Variants in SLC10A6 observed in about 807,000 individuals in gnomAD.
SLC10A6 encodes solute carrier family 10 member 6, also known as sodium-dependent organic anion transporter.
A neutral mutation model predicts 30.0 loss-of-function variants in SLC10A6; 27 were observed. That is an observed-to-expected ratio of 0.90 (90% CI 0.66 to 1.24). The LOEUF is 1.24. Ranked by LOEUF, SLC10A6 falls within the 50% of genes most tolerant of loss-of-function variation. The pLI, the probability that SLC10A6 is intolerant of heterozygous loss-of-function variation, is 0.00. For synonymous variants in SLC10A6, 166 were observed against 173.8 expected (o/e 0.95, Z 0.36); for missense variants, 439 against 457.0 (o/e 0.96, Z 0.36).
chr4:86,836,103 A>G (rs1270529410), intron 1 of SLC10A6, among the ~76,000 whole-genome samples: 1 of 152,228 alleles, frequency 6.6e-6, no homozygotes, highest in African/African-American at 2.4e-5. Flanking sequence ...CAGGAAAACA[A>G]CTGAGACCAT....
At chr4:86,838,694 G>C (rs535634511) in intron 1 of SLC10A6, among the ~76,000 whole-genome samples, 1 of 151,846 alleles carries the variant, frequency 6.6e-6, no homozygotes, top group African/African-American at 2.4e-5. Flanking sequence ...AGGCCAAGGC[G>C]TGCAGATTAC....
At position 86,828,005 on chromosome 4, in the gene SLC10A6, T is replaced by C. The variant is rs1746023732; in HGVS notation, c.749A>G (p.Gln250Arg). 6.2e-7 allele frequency: 1 copy of C among 1,613,612 alleles called. No homozygotes were observed. Among genetic ancestry groups the C allele is most frequent in the African/African-American group, 1.3e-5 (1 of 74,850 alleles). ...TGFLLALFTHQSWQRCRTISL... is the reference protein window; with the variant it reads ...TGFLLALFTHRSWQRCRTISL... Reference sequence around the variant, plus strand: ...AGTTTAACTATACCTTTGCCAAGACTGGTGGGTAAAAAGTGCCAGCAGAAA... The same window carrying C: ...AGTTTAACTATACCTTTGCCAAGACCGGTGGGTAAAAAGTGCCAGCAGAAA... The change falls in exon 4 of 6, where the codon CAG (glutamine) becomes CGG (arginine). Residue 250 changes from glutamine (Q) to arginine (R), a missense_variant. Transcript: ENST00000273905.
intron 1 of SLC10A6, 125 bp downstream of exon 1, chr4:86,848,614 T>C: frequency 8.0e-7 from 1 of 1,247,070 alleles, no homozygotes; most frequent in Non-Finnish European, 1.1e-6. Context: ...GTCTCTGTGA[T>C]ATTTGTAACA....
chr4:86,848,508 G>A (rs6531936), intron 1 of SLC10A6, among the ~76,000 whole-genome samples: 135,316 of 152,266 alleles, frequency 0.89, 61,872 homozygotes, highest in Non-Finnish European at 0.99. Flanking sequence ...TGCTCAGAAC[G>A]CATCCCACTG....
At chr4:86,844,461 C>A (rs1240921065) in intron 1 of SLC10A6, among the ~76,000 whole-genome samples, 2 of 152,176 alleles carry the variant, frequency 1.3e-5, no homozygotes, top group Admixed American at 6.5e-5. Context: ...AAGTTCAGCC[C>A]ATCAAGAGGC....
intron 1 of SLC10A6, among the ~76,000 whole-genome samples, chr4:86,838,974 G>GA (rs1450587867): frequency 6.9e-6 from 1 of 144,976 alleles, no homozygotes; most frequent in Non-Finnish European, 1.5e-5. Flanking sequence ...AAAATTTTAA[G>GA]AAGCAAATAT....
rs773329966 is a variant in SLC10A6, at chr4:86,849,088, C to T, written c.28G>A (p.Ala10Thr). 4 of 1,613,672 alleles carry T rather than the reference C, an allele frequency of 2.5e-6. No homozygotes were observed. The highest frequency in any genetic ancestry group is 3.4e-6 in the Non-Finnish European group (4 of 1,179,828). The change falls in exon 1 of 6, where the codon GCC becomes ACC. Residue 10 changes from alanine to threonine, a missense_variant. By Grantham distance (58) the Ala-to-Thr change is moderately conservative. Coordinates refer to ENST00000273905, the MANE Select transcript of SLC10A6 (RefSeq NM_197965.3). MRANCSSSS[A>T]CPANSSEEEL... ...TCCTCTGAACTGTTGGCAGGGCAGG[C>T]TGAGCTGCTGGAACAATTGGCTCTC...
chr4:86,827,423 G>A (rs979163409), intron 4 of SLC10A6, among the ~76,000 whole-genome samples: 2 of 152,102 alleles, frequency 1.3e-5, no homozygotes, highest in South Asian at 2.1e-4. Context: ...AAGCTTTACC[G>A]GGCGCTTAGT....
At position 86,833,108 on chromosome 4, in the gene SLC10A6, T is replaced by A. The variant is rs1489454413; in HGVS notation, c.496+198A>T. ...GTACTTACCAGCTGCATAATCTTGA[T>A]CAAGTTACTAAACCTCTTGAAGCCT... On this transcript the variant is annotated intron_variant, in intron 2 of 5. Coordinates refer to ENST00000273905, the MANE Select transcript of SLC10A6 (RefSeq NM_197965.3). 2.6e-5 allele frequency among the ~76,000 whole-genome samples: 4 copies of A among 152,180 alleles called. No homozygotes were observed. In the East Asian group the frequency reaches 7.7e-4, roughly 29 times the overall value.
chr4:86,830,897 A>G (rs1746068831), intron 3 of SLC10A6, among the ~76,000 whole-genome samples: 3 of 152,304 alleles, frequency 2.0e-5, no homozygotes, highest in African/African-American at 7.2e-5. Flanking sequence ...AAAGTGATAC[A>G]TAATCAGAAA....
intron 1 of SLC10A6, among the ~76,000 whole-genome samples, chr4:86,835,665 T>C (rs1232944785): frequency 2.3e-5 from 3 of 128,342 alleles, no homozygotes; most frequent in Non-Finnish European, 4.9e-5. Context: ...AAACTCCATC[T>C]CAAAAAAAAA....
At chr4:86,848,609 T>C (rs1746431656) in intron 1 of SLC10A6, 130 bp downstream of exon 1, 1 of 1,216,896 alleles carries the variant, frequency 8.2e-7, no homozygotes, top group African/African-American at 1.5e-5. Flanking sequence ...AACAAGTCTC[T>C]GTGATATTTG....
chr4:86,825,818 G>C (rs1235281802), intron 4 of SLC10A6, among the ~76,000 whole-genome samples: 1 of 152,232 alleles, frequency 6.6e-6, no homozygotes, highest in African/African-American at 2.4e-5. Context: ...ACACACAGGA[G>C]AGGTTCAGCA....
In SLC10A6 at chr4:86,825,588, G is replaced by A; in HGVS notation, c.762-11C>T. ...GAAATTGTCCTGCACCTACCAAAAA[G>A]AAAATGTTTCAAGAGTAACGCACTA... On this transcript the variant is annotated splice_polypyrimidine_tract_variant and intron_variant, in intron 4 of 5. Coordinates refer to ENST00000273905, the MANE Select transcript of SLC10A6 (RefSeq NM_197965.3). The A allele has an allele frequency of 6.4e-7, 1 of 1,574,178 alleles. No homozygotes were observed. The highest frequency in any genetic ancestry group is 1.1e-5 in the South Asian group (1 of 88,176).
At chr4:86,833,472 A>G in intron 1 of SLC10A6, 48 bp from the exon 2 acceptor site, 1 of 1,452,182 alleles carries the variant, frequency 6.9e-7, no homozygotes, top group Admixed American at 1.7e-5. Flanking sequence ...TTGGACATGA[A>G]GAATTTAGTC....
chr4:86,845,196 T>C (rs1435041947), intron 1 of SLC10A6, among the ~76,000 whole-genome samples: 1 of 152,212 alleles, frequency 6.6e-6, no homozygotes, highest in East Asian at 1.9e-4. Context: ...ATCAGCCAAC[T>C]GCTTTCTAGG....
In SLC10A6 at chr4:86,849,146, T is replaced by C; in HGVS notation, c.-31A>G. 6.3e-7 allele frequency: 1 copy of C among 1,577,904 alleles called. No individual in the cohort carries two copies. Among genetic ancestry groups the C allele is most frequent in the African/African-American group, 1.4e-5 (1 of 73,956 alleles). On this transcript the variant is annotated 5_prime_UTR_variant, in exon 1 of 6. Coordinates refer to ENST00000273905, the MANE Select transcript of SLC10A6 (RefSeq NM_197965.3). ...CATCTCCTTAAGGCAGCATTACAAA[T>C]GAACATCGGCAACAATGGCTGGGCA... is the stretch of plus-strand genomic sequence containing the variant.
intron 5 of SLC10A6, 99 bp downstream of exon 5, chr4:86,825,321 C>T (rs1745960036): frequency 1.8e-6 from 2 of 1,141,554 alleles, no homozygotes; most frequent in Non-Finnish European, 2.5e-6. Context: ...AAGTGTATCA[C>T]AGGGGCAGCA....
At position 86,849,029 on chromosome 4, in the gene SLC10A6, G is replaced by C; in HGVS notation, c.87C>G (p.Asn29Lys). ...ACACCACTGTGAAAACGAGCTCCAG[G>C]TTTCCATGCACCTCCAGTCCCACTG... Reference protein sequence around the residue: ...ELPVGLEVHGNLELVFTVVST... With the variant: ...ELPVGLEVHGKLELVFTVVST... Residue 29 changes from asparagine to lysine, a missense_variant, in exon 1 of 6, where the codon AAC becomes AAG. Coordinates refer to ENST00000273905, the MANE Select transcript of SLC10A6 (RefSeq NM_197965.3). 1 of 1,614,132 alleles carries C rather than the reference G, an allele frequency of 6.2e-7. No homozygotes were observed. The highest frequency in any genetic ancestry group is 8.5e-7 in the Non-Finnish European group (1 of 1,180,032).
Sources: gnomAD v4.1 joint callset for allele counts (sites outside exome capture counted in the v4.1 genomes callset) on GRCh38, gnomAD v4.1.1 for gene constraint, MANE v1.5 for transcripts, NCBI Gene and HGNC (gene_info 2026-07-23, HGNC 2026-07-21) for gene names.